The following SLC4A10 variants were observed in gnomAD, a reference collection of about 807,000 sequenced individuals.
SLC4A10 encodes sodium-driven chloride bicarbonate exchanger.
SLC4A10 carries 42 observed loss-of-function variants against 137.7 expected under a neutral mutation model. The observed-to-expected ratio is 0.30, with a 90% CI of 0.24 to 0.39. SLC4A10 has a LOEUF of 0.39. Ranked by LOEUF, SLC4A10 falls within the 10% of genes least tolerant of loss-of-function variation. The pLI, the probability that SLC4A10 is intolerant of heterozygous loss-of-function variation, is 1.00. For missense variants in SLC4A10, 925 were observed against 1,355.0 expected (o/e 0.68, Z 4.98); for synonymous variants, 474 against 464.1 (o/e 1.02, Z -0.27).
Position 161,915,651 on chromosome 2 carries a change from G to T in SLC4A10, c.1997+9764G>T, listed in dbSNP as rs2138326. Among the ~76,000 whole-genome samples, 1,284 of 152,300 alleles carry T rather than the reference G, an allele frequency of 8.4e-3. 18 individuals carry two copies. The highest frequency in any genetic ancestry group is 0.029 in the African/African-American group (1,224 of 41,558). ...TGGACACTGCCACAGAGCCTACACA[G>T]AGTTTCCTCTTGCAGGCTCTAAAGC... On this transcript the variant is annotated intron_variant, in intron 15 of 26. Transcript: ENST00000446997.
intron 1 of SLC4A10, among the ~76,000 whole-genome samples, chr2:161,742,395 C>T (rs1451623628): frequency 1.3e-5 from 2 of 150,488 alleles, no homozygotes; most frequent in African/African-American, 4.9e-5. Context: ...GGGAAACCTG[C>T]ATACGGTTCT....
intron 1 of SLC4A10, among the ~76,000 whole-genome samples, chr2:161,671,378 T>C (rs1365226524): frequency 6.6e-6 from 1 of 152,192 alleles, no homozygotes; most frequent in African/African-American, 2.4e-5. Context: ...CTATTGTTCA[T>C]AAGTTGCCCA....
chr2:161,630,930 C>G (rs62187655), intron 1 of SLC4A10, among the ~76,000 whole-genome samples: 12,262 of 151,622 alleles, frequency 0.081, 562 homozygotes, highest in East Asian at 0.14. Flanking sequence ...TCTCCCTTAA[C>G]GCTAATTAAA....
intron 3 of SLC4A10, among the ~76,000 whole-genome samples, chr2:161,825,699 G>A (rs1012025285): frequency 1.3e-5 from 2 of 152,158 alleles, no homozygotes; most frequent in Non-Finnish European, 2.9e-5. Context: ...GTTATTGAAT[G>A]CAGCAATGTC....
chr2:161,833,908 A>T (rs1039290871), intron 3 of SLC4A10, among the ~76,000 whole-genome samples: 1 of 152,228 alleles, frequency 6.6e-6, no homozygotes, highest in Non-Finnish European at 1.5e-5. Flanking sequence ...CACACATATA[A>T]GTAAGATGGT....
chr2:161,664,981 A>C (rs11890267), intron 1 of SLC4A10, among the ~76,000 whole-genome samples: 6,754 of 151,906 alleles, frequency 0.044, 477 homozygotes, highest in African/African-American at 0.15. Flanking sequence ...GCTACAATTA[A>C]AATTTGAAAC....
intron 23 of SLC4A10, among the ~76,000 whole-genome samples, chr2:161,966,068 T>C (rs1411952879): frequency 6.6e-6 from 1 of 152,220 alleles, no homozygotes; most frequent in Non-Finnish European, 1.5e-5. Context: ...AAACCATAGA[T>C]ATATTTCCTA....
chr2:161,756,233 T>A (rs1341333319), intron 1 of SLC4A10, among the ~76,000 whole-genome samples: 1 of 152,158 alleles, frequency 6.6e-6, no homozygotes, highest in Admixed American at 6.6e-5. Context: ...CAGTATTTAA[T>A]CTCTACAAAT....
At chr2:161,871,992 A>G (rs2061158386) in intron 6 of SLC4A10, among the ~76,000 whole-genome samples, 1 of 152,180 alleles carries the variant, frequency 6.6e-6, no homozygotes, top group African/African-American at 2.4e-5. Context: ...CTAGAAATCA[A>G]TGATGCTTCA....
intron 1 of SLC4A10, among the ~76,000 whole-genome samples, chr2:161,693,392 G>T (rs1486662062): frequency 6.6e-6 from 1 of 151,980 alleles, no homozygotes; most frequent in African/African-American, 2.4e-5. Flanking sequence ...AAAAGTGATG[G>T]TTAAAAGTAT....
At chr2:161,914,001 A>G (rs973826139) in intron 15 of SLC4A10, among the ~76,000 whole-genome samples, 4 of 152,206 alleles carry the variant, frequency 2.6e-5, no homozygotes, top group Non-Finnish European at 4.4e-5. Context: ...ACTTTATAGC[A>G]TTAGTCATGC....
intron 23 of SLC4A10, 48 bp downstream of exon 23, chr2:161,965,221 T>A: frequency 6.5e-7 from 1 of 1,530,992 alleles, no homozygotes; most frequent in Non-Finnish European, 8.8e-7. Flanking sequence ...AGGAACATAG[T>A]AATATTTCTT....
At chr2:161,747,882 A>G (rs915636849) in intron 1 of SLC4A10, among the ~76,000 whole-genome samples, 3 of 152,168 alleles carry the variant, frequency 2.0e-5, no homozygotes, top group Non-Finnish European at 4.4e-5. Flanking sequence ...ACTGTTTTCC[A>G]TAATGGCTGT....
chr2:161,905,353 T>C (rs1684105709), intron 14 of SLC4A10, among the ~76,000 whole-genome samples: 1 of 152,174 alleles, frequency 6.6e-6, no homozygotes. Flanking sequence ...CAATAGGGCT[T>C]GTGCTCCTAT....
At chr2:161,624,784 G>A (rs1388968533) in intron 1 of SLC4A10, among the ~76,000 whole-genome samples, 1 of 151,930 alleles carries the variant, frequency 6.6e-6, no homozygotes, top group Non-Finnish European at 1.5e-5. Context: ...ATGCACTACG[G>A]TGATGAAATG....
intron 5 of SLC4A10, among the ~76,000 whole-genome samples, chr2:161,861,192 C>T (rs1479193928): frequency 2.6e-5 from 4 of 152,184 alleles, no homozygotes; most frequent in Middle Eastern, 3.2e-3. Context: ...CTTGATTAGC[C>T]TGTCAGTCAT....
At position 161,950,735 on chromosome 2, in the gene SLC4A10, C is replaced by T. The variant is rs1694655212; in HGVS notation, c.2428C>T (p.Pro810Ser). 1 of 1,595,120 alleles carries T rather than the reference C, an allele frequency of 6.3e-7. No homozygotes were observed. The highest frequency in any genetic ancestry group is 8.5e-7 in the Non-Finnish European group (1 of 1,169,970). Residue 810 changes from proline (P) to serine (S), a missense_variant, in exon 19 of 27, where the codon CCA (proline) becomes TCA (serine). Physicochemically the swap from Pro to Ser is moderately conservative, Grantham distance 74. This residue lies in a region of SLC4A10 where 82 missense variants were observed against 151.4 expected (regional missense o/e 0.54). Transcript: ENST00000446997. ...GWFVTPLGPN[P>S]WWTVIAAIIP... ...GTTTGTTACGCCTTTAGGTCCAAACCCATGGTGGACAGTAATAGCTGCTAT... is the reference window on the plus strand; with the variant it reads ...GTTTGTTACGCCTTTAGGTCCAAACTCATGGTGGACAGTAATAGCTGCTAT...
At chr2:161,983,144 G>A (rs1447485072) in intron 26 of SLC4A10, 35 bp from the exon 27 acceptor site, 1 of 1,528,446 alleles carries the variant, frequency 6.5e-7, no homozygotes, top group Non-Finnish European at 8.8e-7. Context: ...ATGCTGGATT[G>A]CAGTAATAAA....
intron 10 of SLC4A10, among the ~76,000 whole-genome samples, chr2:161,886,400 G>T (rs1314763532): frequency 6.6e-6 from 1 of 152,082 alleles, no homozygotes; most frequent in East Asian, 1.9e-4. Flanking sequence ...TACTTTTAAA[G>T]AAGTGTTGGT....
Sources: allele counts gnomAD v4.1 joint callset (sites outside exome capture counted in the v4.1 genomes callset), GRCh38; gene constraint gnomAD v4.1.1; regional missense constraint gnomAD v4.1.1; transcripts MANE v1.5; gene names NCBI Gene and HGNC (gene_info 2026-07-23, HGNC 2026-07-21).